Variants in ADARB2 observed in about 807,000 individuals in gnomAD.
ADARB2 encodes the protein adenosine deaminase RNA specific B2 (inactive), also known as inactive double-stranded RNA-specific editase B2.
In ADARB2, 25 loss-of-function variants were observed where a neutral mutation model predicts 62.2. That is an observed-to-expected ratio of 0.40 (90% confidence interval 0.29 to 0.56). The LOEUF (loss-of-function observed/expected upper bound fraction) is 0.56, where lower values mean the gene tolerates loss of function less well. Among genes scored for constraint, ADARB2 ranks in the 20% least tolerant of loss-of-function variants. ADARB2 has a pLI of 0.43. For missense variants in ADARB2, 1,071 were observed against 1,077.4 expected (o/e 0.99, Z 0.08); for synonymous variants, 572 against 500.8 (o/e 1.14, Z -1.90).
Position 1,737,218 on chromosome 10 carries a change from A to C in ADARB2, c.-68T>G. The C allele has an allele frequency of 6.5e-7, 1 of 1,527,866 alleles. No homozygotes were observed. The highest frequency in any genetic ancestry group is 8.9e-7 in the Non-Finnish European group (1 of 1,118,646). The allele number at this position is 1,527,866 out of a possible 1,614,324, so 94.6% of individuals were successfully genotyped here. A position where few individuals can be genotyped will look rare whatever the true frequency, so the allele number is the denominator to read the frequency against. ...CACCTGCACCTGCCTCCTTCCCGGCAGCCGCCGCCGCCGCTGCTGCGAAGC... is the reference window on the plus strand; with the variant it reads ...CACCTGCACCTGCCTCCTTCCCGGCCGCCGCCGCCGCCGCTGCTGCGAAGC... On this transcript the variant is annotated 5_prime_UTR_variant, in exon 1 of 10. Coordinates refer to ENST00000381312, the MANE Select transcript of ADARB2 (RefSeq NM_018702.4).
intron 6 of ADARB2, among the ~76,000 whole-genome samples, chr10:1,217,862 G>C (rs1830646301): frequency 6.6e-6 from 1 of 152,098 alleles, no homozygotes; most frequent in Non-Finnish European, 1.5e-5. Flanking sequence ...AGCTCCGCCA[G>C]GCCCAGAAGT....
intron 1 of ADARB2, among the ~76,000 whole-genome samples, chr10:1,713,359 GAGA>G (rs1211173086): frequency 6.6e-6 from 1 of 152,230 alleles, no homozygotes; most frequent in Non-Finnish European, 1.5e-5. Flanking sequence ...TGGAGAGTTA[GAGA>G]AGAACATTAG....
chr10:1,414,563 C>A (rs1832785937), intron 1 of ADARB2, among the ~76,000 whole-genome samples: 1 of 152,216 alleles, frequency 6.6e-6, no homozygotes, highest in Non-Finnish European at 1.5e-5. Context: ...AAATGCTAAA[C>A]TGTCACAGCT....
At chr10:1,727,105 G>A (rs1835176856) in intron 1 of ADARB2, among the ~76,000 whole-genome samples, 1 of 152,162 alleles carries the variant, frequency 6.6e-6, no homozygotes, top group South Asian at 2.1e-4. Context: ...AAATAAACCC[G>A]ACAGGGCGCT....
intron 1 of ADARB2, among the ~76,000 whole-genome samples, chr10:1,671,994 G>A (rs552983622): frequency 6.6e-6 from 1 of 152,162 alleles, no homozygotes; most frequent in Admixed American, 6.5e-5. Flanking sequence ...CACTTCGGGG[G>A]GCGGAGGGGC....
intron 3 of ADARB2, among the ~76,000 whole-genome samples, chr10:1,327,493 G>A (rs1278179951): frequency 1.1e-4 from 8 of 69,812 alleles, no homozygotes; most frequent in African/African-American, 4.9e-4. Flanking sequence ...ACTGCACAGC[G>A]CCTCCTCACT....
At chr10:1,394,849 C>A (rs1588242865) in intron 1 of ADARB2, 2 of 457,048 alleles carry the variant, frequency 4.4e-6, no homozygotes, top group Admixed American at 2.3e-5. Flanking sequence ...CCCCATATAC[C>A]AGGACTCGCT....
At chr10:1,663,955 T>C (rs1018059093) in intron 1 of ADARB2, among the ~76,000 whole-genome samples, 6 of 152,198 alleles carry the variant, frequency 3.9e-5, no homozygotes, top group African/African-American at 1.4e-4. Context: ...CATTCCCTGG[T>C]CTGAACGTGC....
intron 3 of ADARB2, among the ~76,000 whole-genome samples, chr10:1,277,079 C>T (rs1462381376): frequency 6.6e-6 from 1 of 152,164 alleles, no homozygotes; most frequent in Non-Finnish European, 1.5e-5. Context: ...ACACAACATA[C>T]CAGAATCTCT....
At chr10:1,414,703 T>C (rs867532863) in intron 1 of ADARB2, among the ~76,000 whole-genome samples, 1 of 152,344 alleles carries the variant, frequency 6.6e-6, no homozygotes, top group African/African-American at 2.4e-5. Flanking sequence ...ATGATCACGA[T>C]GGCCCCTGGT....
At chr10:1,531,622 A>T (rs1342654031) in intron 1 of ADARB2, among the ~76,000 whole-genome samples, 1 of 152,126 alleles carries the variant, frequency 6.6e-6, no homozygotes, top group African/African-American at 2.4e-5. Flanking sequence ...GTGGATCACA[A>T]GGTTTGGAGT....
At chr10:1,493,729 C>CTTTTTTTTTTTTTTTTTT (rs555812632) in intron 1 of ADARB2, among the ~76,000 whole-genome samples, 5 of 56,844 alleles carry the variant, frequency 8.8e-5, no homozygotes, top group East Asian at 5.2e-4. Context: ...ATATGGCATT[C>CTTTTTTTTTTTTTTTTTT]TTTTTTTTTT....
Position 1,720,423 on chromosome 10 carries a change from A to C in ADARB2, c.100+16628T>G, listed in dbSNP as rs188427982. Among the ~76,000 whole-genome samples, 40 of 152,222 alleles carry C rather than the reference A, an allele frequency of 2.6e-4. No homozygotes were observed. In the Middle Eastern group the frequency reaches 0.01, roughly 39 times the overall value. On this transcript the variant is annotated intron_variant, in intron 1 of 9. Coordinates refer to ENST00000381312, the MANE Select transcript of ADARB2 (RefSeq NM_018702.4). ...TGAAAAACTGCCAGGTACTATGCTC[A>C]CTCCCTGGCTGAGAAGATCCTATAC...
At chr10:1,550,813 T>C (rs1287408223) in intron 1 of ADARB2, among the ~76,000 whole-genome samples, 22 of 151,874 alleles carry the variant, frequency 1.4e-4, no homozygotes, top group Admixed American at 1.4e-3. Flanking sequence ...AGATGGTAGA[T>C]CTAGAATGCA....
In ADARB2 at chr10:1,702,418, G is replaced by A. The variant is rs118049108; in HGVS notation, c.100+34633C>T. On this transcript the variant is annotated intron_variant, in intron 1 of 9. Transcript: ENST00000381312. Reference sequence around the variant, plus strand: ...GAGGGAAGATGAAGGAAGAGGGTGAGGGTCTGGGGCCCTTGACTCTTCCTC... The same window carrying A: ...GAGGGAAGATGAAGGAAGAGGGTGAAGGTCTGGGGCCCTTGACTCTTCCTC... Among the ~76,000 whole-genome samples, 191 of 152,298 alleles carry A rather than the reference G, an allele frequency of 1.3e-3. 1 individual carries two copies. Among genetic ancestry groups the A allele is most frequent in the Non-Finnish European group, 2.0e-3 (135 of 68,024 alleles).
intron 3 of ADARB2, chr10:1,290,644 C>T (rs1301450300): frequency 6.6e-6 from 1 of 152,244 alleles, no homozygotes; most frequent in African/African-American, 2.4e-5. Flanking sequence ...AGAGATCCCA[C>T]ATTCAGCCTT....
At chr10:1,401,654 T>A (rs1832664122) in intron 1 of ADARB2, among the ~76,000 whole-genome samples, 2 of 152,194 alleles carry the variant, frequency 1.3e-5, no homozygotes, top group Admixed American at 1.3e-4. Context: ...CGTGTCCCCA[T>A]TTCTACCGAA....
intron 1 of ADARB2, among the ~76,000 whole-genome samples, chr10:1,643,011 C>G (rs187607286): frequency 2.4e-4 from 37 of 152,328 alleles, no homozygotes; most frequent in African/African-American, 8.4e-4. Context: ...GGCCAAGAGG[C>G]CTGGGTGTTT....
At chr10:1,294,170 C>T (rs1443347938) in intron 3 of ADARB2, among the ~76,000 whole-genome samples, 1 of 152,178 alleles carries the variant, frequency 6.6e-6, no homozygotes, top group Non-Finnish European at 1.5e-5. Context: ...AACTTTTCCA[C>T]CATTGAAGAT....
Sources: allele counts gnomAD v4.1 joint callset (sites outside exome capture counted in the v4.1 genomes callset), GRCh38; gene constraint gnomAD v4.1.1; transcripts MANE v1.5; gene names NCBI Gene and HGNC (gene_info 2026-07-23, HGNC 2026-07-21).